SLC7A14: variants seen among roughly 807,000 people sequenced by gnomAD.
The protein encoded by SLC7A14 is gamma-aminobutyric acid transporter SLC7A14.
Under a neutral mutation model 60.2 loss-of-function variants are expected in SLC7A14, and 37 were observed. That is an observed-to-expected ratio of 0.61 (90% CI 0.47 to 0.81). The LOEUF (loss-of-function observed/expected upper bound fraction) is 0.81, where lower values mean the gene tolerates loss of function less well. Ranked by LOEUF, SLC7A14 falls within the 30% of genes least tolerant of loss-of-function variation. The pLI is 0.00. For synonymous variants in SLC7A14, 399 were observed against 395.8 expected (o/e 1.01, Z -0.10); for missense variants, 886 against 982.7 (o/e 0.90, Z 1.32).
chr3:170,524,780 A>G (rs1713441764), intron 2 of SLC7A14, among the ~76,000 whole-genome samples: 1 of 152,220 alleles, frequency 6.6e-6, no homozygotes, highest in African/African-American at 2.4e-5. Context: ...AATAGGAGAG[A>G]AAACTCCTCA....
intron 4 of SLC7A14, among the ~76,000 whole-genome samples, chr3:170,492,581 G>A (rs1194240420): frequency 1.3e-5 from 2 of 152,198 alleles, no homozygotes; most frequent in Non-Finnish European, 2.9e-5. Flanking sequence ...TAAAAACTCA[G>A]CCAGCTGATC....
At chr3:170,489,015 G>T (rs541912221) in intron 4 of SLC7A14, among the ~76,000 whole-genome samples, 1 of 146,226 alleles carries the variant, frequency 6.8e-6, no homozygotes, top group Non-Finnish European at 1.5e-5. Context: ...TGTTTGGAAA[G>T]ATGTTTGGAA....
rs776977059 is a variant in SLC7A14, at chr3:170,579,539, G to A, written c.-153+6372C>T. ...AAATAAGAATCAGTTAATTCTAGGC[G>A]TTTCCTTATTGACTTGCTAGAATAG... On this transcript the variant is annotated intron_variant, in intron 1 of 7. Coordinates refer to ENST00000231706, the MANE Select transcript of SLC7A14 (RefSeq NM_020949.3). Among the ~76,000 whole-genome samples the A allele has an allele frequency of 7.9e-5, 12 of 152,274 alleles. No individual in the cohort carries two copies. The Middle Eastern group carries it at 0.01, about 129-fold the overall frequency.
intron 7 of SLC7A14, among the ~76,000 whole-genome samples, chr3:170,473,578 C>G (rs1711513631): frequency 6.6e-6 from 1 of 152,196 alleles, no homozygotes; most frequent in Non-Finnish European, 1.5e-5. Flanking sequence ...TTTGACTACT[C>G]TGGGATCAAC....
intron 7 of SLC7A14, among the ~76,000 whole-genome samples, chr3:170,471,119 G>GTGTGTGTGTGTGTGTGTGTGTA (rs1197475580): frequency 2.8e-4 from 42 of 151,970 alleles, no homozygotes; most frequent in African/African-American, 9.9e-4. Flanking sequence ...GTGTGTGTGT[G>GTGTGTGTGTGTGTGTGTGTGTA]TGAGTGATTA....
intron 2 of SLC7A14, among the ~76,000 whole-genome samples, chr3:170,502,411 A>G (rs1373643203): frequency 6.6e-6 from 1 of 152,236 alleles, no homozygotes; most frequent in Non-Finnish European, 1.5e-5. Context: ...ATTAGAGAAT[A>G]TATTAGAAAG....
At chr3:170,520,364 G>A (rs114540857) in intron 2 of SLC7A14, among the ~76,000 whole-genome samples, 1,722 of 152,266 alleles carry the variant, frequency 0.011, 35 homozygotes, top group African/African-American at 0.039. Context: ...TTGCCACTAT[G>A]ACCATTACAT....
At chr3:170,514,435 C>T (rs941011773) in intron 2 of SLC7A14, among the ~76,000 whole-genome samples, 1 of 152,226 alleles carries the variant, frequency 6.6e-6, no homozygotes, top group Non-Finnish European at 1.5e-5. Flanking sequence ...AAAGTTGAGG[C>T]TGCTTAAGTA....
At chr3:170,515,093 A>G (rs1359682445) in intron 2 of SLC7A14, among the ~76,000 whole-genome samples, 1 of 151,980 alleles carries the variant, frequency 6.6e-6, no homozygotes, top group Non-Finnish European at 1.5e-5. Flanking sequence ...CAGGTGGATC[A>G]CCTGAGGTCA....
At chr3:170,581,626 T>G (rs1271469999) in intron 1 of SLC7A14, among the ~76,000 whole-genome samples, 1 of 152,188 alleles carries the variant, frequency 6.6e-6, no homozygotes, top group Non-Finnish European at 1.5e-5. Context: ...CAGATTAAAA[T>G]CATTCAGAAA....
At chr3:170,483,278 C>A (rs1390944062) in intron 6 of SLC7A14, 36 bp downstream of exon 6, 2 of 1,610,038 alleles carry the variant, frequency 1.2e-6, no homozygotes, top group Non-Finnish European at 1.7e-6. Flanking sequence ...ACAGACGTGG[C>A]AGAGCAGGAT....
intron 2 of SLC7A14, among the ~76,000 whole-genome samples, chr3:170,516,187 T>C (rs935691078): frequency 3.3e-5 from 5 of 152,236 alleles, no homozygotes; most frequent in Non-Finnish European, 7.3e-5. Flanking sequence ...ACATCCTTCC[T>C]ACAGGGCTGT....
At chr3:170,503,597 A>T (rs1252009099) in intron 2 of SLC7A14, among the ~76,000 whole-genome samples, 1 of 152,192 alleles carries the variant, frequency 6.6e-6, no homozygotes, top group Non-Finnish European at 1.5e-5. Flanking sequence ...GCTTATTCTC[A>T]TCACCCAACT....
At chr3:170,533,046 A>G (rs1450351521) in intron 1 of SLC7A14, among the ~76,000 whole-genome samples, 1 of 152,076 alleles carries the variant, frequency 6.6e-6, no homozygotes, top group Non-Finnish European at 1.5e-5. Context: ...TGGTAGGTTC[A>G]CCTTCAGTTG....
intron 2 of SLC7A14, among the ~76,000 whole-genome samples, chr3:170,524,415 T>C (rs6805955): frequency 6.6e-6 from 1 of 152,026 alleles, no homozygotes; most frequent in Admixed American, 6.5e-5. Flanking sequence ...TGGGGGTAGG[T>C]GGCAGGCTCT....
At chr3:170,517,110 T>C (rs535088878) in intron 2 of SLC7A14, among the ~76,000 whole-genome samples, 44 of 152,290 alleles carry the variant, frequency 2.9e-4, no homozygotes, top group African/African-American at 1.0e-3. Flanking sequence ...AATGAGATAA[T>C]GTATGCACAG....
At chr3:170,551,362 A>G (rs1714347463) in intron 1 of SLC7A14, among the ~76,000 whole-genome samples, 1 of 152,156 alleles carries the variant, frequency 6.6e-6, no homozygotes, top group African/African-American at 2.4e-5. Flanking sequence ...TGCTGTGAGC[A>G]TTCGTGTACA....
chr3:170,491,653 A>T (rs548023234), intron 4 of SLC7A14, among the ~76,000 whole-genome samples: 4 of 152,102 alleles, frequency 2.6e-5, no homozygotes, highest in African/African-American at 9.6e-5. Context: ...TGGGAGCTGG[A>T]GGTATGGGGC....
At chr3:170,471,110 T>C (rs1739892117) in intron 7 of SLC7A14, among the ~76,000 whole-genome samples, 1 of 151,954 alleles carries the variant, frequency 6.6e-6, no homozygotes, top group Non-Finnish European at 1.5e-5. Context: ...TGTGTGTGTG[T>C]GTGTGTGTGT....
Sources: allele counts gnomAD v4.1 joint callset (sites outside exome capture counted in the v4.1 genomes callset), GRCh38; gene constraint gnomAD v4.1.1; transcripts MANE v1.5; gene names NCBI Gene and HGNC (gene_info 2026-07-23, HGNC 2026-07-21).